Variants in PCNA observed in about 807,000 individuals in gnomAD.
PCNA encodes the protein DNA sliding clamp PCNA.
PCNA carries 4 observed loss-of-function variants against 27.8 expected under a neutral mutation model. The ratio of observed to expected loss-of-function variants is 0.14; its 90% CI spans 0.07 to 0.33. The LOEUF (loss-of-function observed/expected upper bound fraction) is 0.33. PCNA is among the 10% of genes least tolerant of loss of function. The probability of loss-of-function intolerance (pLI) is 1.00; values close to 1 mark genes in which losing one functional copy is unlikely to be tolerated. For synonymous variants in PCNA, 121 were observed against 119.4 expected (o/e 1.01, Z -0.09); for missense variants, 165 against 327.4 (o/e 0.50, Z 3.83).
At chr20:5,125,201 G>A (rs2090539175) in intron 1 of PCNA, among the ~76,000 whole-genome samples, 1 of 152,198 alleles carries the variant, frequency 6.6e-6, no homozygotes, top group Admixed American at 6.5e-5. Flanking sequence ...TTAGCTGGGT[G>A]TGGTGCTGCA....
At chr20:5,117,728 T>C in intron 3 of PCNA, 64 bp from the exon 4 acceptor site, 1 of 1,024,280 alleles carries the variant, frequency 9.8e-7, no homozygotes, top group Non-Finnish European at 1.5e-6. Flanking sequence ...GCACCCTCAC[T>C]TTCTTAAAAG....
At position 5,115,232 on chromosome 20, in the gene PCNA, A is replaced by G. The variant is rs1157419404; in HGVS notation, c.*51T>C. ...AGACTTCAGTATATGCTGGCATCTT[A>G]GAAGCAGTTCTCAAAGAGCTTAGTT... On this transcript the variant is annotated 3_prime_UTR_variant, in exon 6 of 6. Transcript: ENST00000379143. 6 of 1,391,536 alleles carry G rather than the reference A, an allele frequency of 4.3e-6. No individual in the cohort carries two copies. The highest frequency in any genetic ancestry group is 3.4e-5 in the Admixed American group (2 of 58,694). 86.2% of individuals were successfully genotyped at this position (1,391,536 alleles called of 1,614,324 possible).
upstream of PCNA, among the ~76,000 whole-genome samples, chr20:5,122,084 C>A (rs541546875): frequency 6.6e-6 from 1 of 151,440 alleles, no homozygotes; most frequent in South Asian, 2.1e-4. Flanking sequence ...TGGGTTCAAG[C>A]AATTCTCATG....
chr20:5,117,401 G>T, intron 4 of PCNA, 69 bp downstream of exon 4: 4 of 1,036,052 alleles, frequency 3.9e-6, no homozygotes, highest in Non-Finnish European at 5.6e-6. Context: ...TTTAATTTTA[G>T]CAATTAACCT....
chr20:5,123,325 A>G (rs528855758), upstream of PCNA, among the ~76,000 whole-genome samples: 2 of 152,326 alleles, frequency 1.3e-5, no homozygotes, highest in East Asian at 1.9e-4. Context: ...TAAAGGTACT[A>G]TTGGATCAGT....
chr20:5,117,192 C>T (rs938040558), intron 4 of PCNA, among the ~76,000 whole-genome samples: 11 of 110,756 alleles, frequency 9.9e-5, no homozygotes, highest in Non-Finnish European at 1.5e-4. Context: ...AAAGGTTATA[C>T]GCCTAACTTC....
At chr20:5,119,175 G>A (rs2090497601) in intron 1 of PCNA, among the ~76,000 whole-genome samples, 1 of 152,050 alleles carries the variant, frequency 6.6e-6, no homozygotes, top group Non-Finnish European at 1.5e-5. Flanking sequence ...CCGCGACTGA[G>A]CCGGGAGGAT....
At chr20:5,120,790 A>G (rs1232629244), upstream of PCNA, among the ~76,000 whole-genome samples, 3 of 152,044 alleles carry the variant, frequency 2.0e-5, no homozygotes, top group African/African-American at 7.2e-5. Flanking sequence ...GAGCGTACAC[A>G]TTTAATATTT....
rs1342963044 is a variant in PCNA, at chr20:5,118,675, G to C, written c.322C>G (p.Gln108Glu). 1.2e-6 allele frequency: 2 copies of C among 1,613,110 alleles called. No individual in the cohort carries two copies. Among genetic ancestry groups the C allele is most frequent in the African/African-American group, 2.7e-5 (2 of 74,876 alleles). Reference sequence around the variant, plus strand: ...ATTTCATAGTCTGAAACTTTCTCCTGGTCTACCAAAAGAAAGCAGATGCTT... The same window carrying C: ...ATTTCATAGTCTGAAACTTTCTCCTCGTCTACCAAAAGAAAGCAGATGCTT... ...TLALVFEAPN[Q>E]EKVSDYEMKL... The change falls in exon 3 of 6, where the codon CAG (glutamine) becomes GAG (glutamate). Residue 108 changes from glutamine (Q) to glutamate (E), a missense_variant and splice_region_variant. Coordinates refer to ENST00000379143, the MANE Select transcript of PCNA (RefSeq NM_182649.2).
chr20:5,125,363 T>C (rs1338945465), intron 1 of PCNA, among the ~76,000 whole-genome samples: 1 of 152,184 alleles, frequency 6.6e-6, no homozygotes, highest in African/African-American at 2.4e-5. Context: ...AGCTCATGCC[T>C]GTAATCCCAG....
At chr20:5,123,320 G>T (rs1171879791), upstream of PCNA, among the ~76,000 whole-genome samples, 1 of 152,154 alleles carries the variant, frequency 6.6e-6, no homozygotes, top group East Asian at 1.9e-4. Flanking sequence ...TCTAGTAAAG[G>T]TACTATTGGA....
In PCNA at chr20:5,115,083, T is replaced by C. The variant is rs1568518494; in HGVS notation, c.*200A>G. 1 of 485,264 alleles carries C rather than the reference T, an allele frequency of 2.1e-6. No individual in the cohort carries two copies. The highest frequency in any genetic ancestry group is 3.7e-6 in the Non-Finnish European group (1 of 272,608). The allele number at this position is 485,264 out of a possible 1,614,324, so 30.1% of individuals were successfully genotyped here. ...GAGACAAAAATACTTCTAGGTTAACTAGACCAGATCTGACTTTGGACTTTA... is the reference window on the plus strand; with the variant it reads ...GAGACAAAAATACTTCTAGGTTAACCAGACCAGATCTGACTTTGGACTTTA... On this transcript the variant is annotated 3_prime_UTR_variant, in exon 6 of 6. Coordinates refer to ENST00000379143, the MANE Select transcript of PCNA (RefSeq NM_182649.2).
At position 5,118,574 on chromosome 20, in the gene PCNA, G is replaced by A. The variant is rs185938513; in HGVS notation, c.387+36C>T. ...TCTATGACATAACTATCGTGCCTGTGTACAGCACTCTCTACAATGAGAAAC... is the reference window on the plus strand; with the variant it reads ...TCTATGACATAACTATCGTGCCTGTATACAGCACTCTCTACAATGAGAAAC... On this transcript the variant is annotated intron_variant, in intron 3 of 5. Transcript: ENST00000379143. The A allele has an allele frequency of 4.8e-5, 67 of 1,395,058 alleles. No homozygotes were observed. The African/African-American group carries it at 8.2e-4, about 17-fold the overall frequency. The allele number at this position is 1,395,058 out of a possible 1,614,324, so 86.4% of individuals were successfully genotyped here.
In PCNA at chr20:5,117,681, T is replaced by G. The variant is rs1351554516; in HGVS notation, c.388-17A>C. ...CTCCTGTTCCTATTAAGAACAAAAA[T>G]TTTCCAAAAGTTAATTGTTAGAAAT... On this transcript the variant is annotated splice_polypyrimidine_tract_variant and intron_variant, in intron 3 of 5. Coordinates refer to ENST00000379143, the MANE Select transcript of PCNA (RefSeq NM_182649.2). The G allele has an allele frequency of 6.6e-7, 1 of 1,511,220 alleles. No homozygotes were observed. Among genetic ancestry groups the G allele is most frequent in the Admixed American group, 2.2e-5 (1 of 45,474 alleles). The allele number at this position is 1,511,220 out of a possible 1,614,324, so 93.6% of individuals were successfully genotyped here.
At chr20:5,125,117 T>C (rs756607514) in intron 1 of PCNA, among the ~76,000 whole-genome samples, 3 of 152,142 alleles carry the variant, frequency 2.0e-5, no homozygotes, top group Non-Finnish European at 4.4e-5. Flanking sequence ...TGTGGGAGGA[T>C]TGCTCGAGCC....
At chr20:5,118,717 C>G (rs1568519852) in intron 2 of PCNA, 40 bp from the exon 3 acceptor site, 1 of 1,607,856 alleles carries the variant, frequency 6.2e-7, no homozygotes, top group Non-Finnish European at 8.5e-7. Context: ...AATACTGACA[C>G]AGAGTTTTGA....
upstream of PCNA, among the ~76,000 whole-genome samples, chr20:5,123,598 C>T (rs1056055843): frequency 4.0e-5 from 6 of 151,072 alleles, no homozygotes; most frequent in East Asian, 3.9e-4. Flanking sequence ...GGGAGGCTGA[C>T]GCAGGAGAAT....
upstream of PCNA, among the ~76,000 whole-genome samples, chr20:5,123,126 C>T (rs1233418759): frequency 6.6e-6 from 1 of 152,166 alleles, no homozygotes; most frequent in Non-Finnish European, 1.5e-5. Flanking sequence ...GGAATATATT[C>T]AGACAAGTTT....
At position 5,119,745 on chromosome 20, in the gene PCNA, T is replaced by G; in HGVS notation, c.54A>C (p.Ala18=). The G allele has an allele frequency of 6.3e-7, 1 of 1,589,854 alleles. No individual in the cohort carries two copies. Among genetic ancestry groups the G allele is most frequent in the South Asian group, 1.1e-5 (1 of 87,874 alleles). Residue 18 remains alanine, a synonymous_variant, in exon 1 of 6, where the codon GCA becomes GCC. Transcript: ENST00000379143. Reference sequence around the variant, plus strand: ...AGGCCTCGTTGATGAGGTCCTTGAGTGCCTCCAACACCTTCTTGAGGATGG... The same window carrying G: ...AGGCCTCGTTGATGAGGTCCTTGAGGGCCTCCAACACCTTCTTGAGGATGG... ...QGSILKKVLE[A]LKDLINEACW... is the part of the protein sequence containing the mutation.
Sources: gnomAD v4.1 joint callset for allele counts (sites outside exome capture counted in the v4.1 genomes callset) on GRCh38, gnomAD v4.1.1 for gene constraint, MANE v1.5 for transcripts, NCBI Gene and HGNC (gene_info 2026-07-23, HGNC 2026-07-21) for gene names.